Variants in ALCAM observed in about 807,000 individuals in gnomAD.
ALCAM encodes activated leukocyte cell adhesion molecule.
In ALCAM, 30 loss-of-function variants were observed where a neutral mutation model predicts 70.9. The observed-to-expected ratio is 0.42, with a 90% CI of 0.32 to 0.57. The LOEUF (loss-of-function observed/expected upper bound fraction) is 0.57, where lower values mean the gene tolerates loss of function less well. Ranked by LOEUF, ALCAM falls within the 20% of genes least tolerant of loss-of-function variation. The pLI is 0.11. For synonymous variants in ALCAM, 249 were observed against 242.5 expected, an observed-to-expected ratio of 1.03 and a Z score of -0.25; for missense variants, 591 against 695.1, an observed-to-expected ratio of 0.85 and a Z score of 1.68.
intron 1 of ALCAM, among the ~76,000 whole-genome samples, chr3:105,422,097 G>A (rs532189090): frequency 4.0e-5 from 6 of 151,502 alleles, no homozygotes; most frequent in Non-Finnish European, 5.9e-5. Context: ...CAGTATTTGA[G>A]TTTCCATTCC....
chr3:105,487,381 T>C (rs746247852), intron 1 of ALCAM, among the ~76,000 whole-genome samples: 4 of 152,156 alleles, frequency 2.6e-5, no homozygotes, highest in African/African-American at 9.7e-5. Flanking sequence ...ATCTAATAGA[T>C]GGAGTGTACA....
At chr3:105,475,988 A>C (rs1029690637) in intron 1 of ALCAM, among the ~76,000 whole-genome samples, 3 of 151,862 alleles carry the variant, frequency 2.0e-5, no homozygotes, top group Admixed American at 1.3e-4. Flanking sequence ...TTTTCTATGC[A>C]TACCTTTCTC....
At chr3:105,463,999 A>T (rs1481724110) in intron 1 of ALCAM, among the ~76,000 whole-genome samples, 1 of 151,450 alleles carries the variant, frequency 6.6e-6, no homozygotes, top group Non-Finnish European at 1.5e-5. Flanking sequence ...CTAATGAAAT[A>T]TGCAACTTGT....
At chr3:105,467,482 G>A (rs1195246866) in intron 1 of ALCAM, among the ~76,000 whole-genome samples, 1 of 151,202 alleles carries the variant, frequency 6.6e-6, no homozygotes. Context: ...GGCACACAGG[G>A]AAATGTTGAC....
chr3:105,444,489 A>G (rs776266917), intron 1 of ALCAM, among the ~76,000 whole-genome samples: 5 of 152,122 alleles, frequency 3.3e-5, no homozygotes, highest in African/African-American at 4.8e-5. Flanking sequence ...CTCCCTCTAC[A>G]CATGGGGATT....
intron 1 of ALCAM, among the ~76,000 whole-genome samples, chr3:105,382,498 AC>A (rs1559771779): frequency 6.6e-6 from 1 of 151,930 alleles, no homozygotes; most frequent in Non-Finnish European, 1.5e-5. Context: ...AGTTCTAGAT[AC>A]CTGAGGACTC....
At chr3:105,417,182 T>A (rs1303521201) in intron 1 of ALCAM, among the ~76,000 whole-genome samples, 2 of 151,828 alleles carry the variant, frequency 1.3e-5, no homozygotes, top group African/African-American at 2.4e-5. Flanking sequence ...CCAGGAAGGC[T>A]CTTATGTCGC....
intron 1 of ALCAM, among the ~76,000 whole-genome samples, chr3:105,373,609 C>A (rs1459839302): frequency 6.6e-6 from 1 of 152,146 alleles, no homozygotes; most frequent in Non-Finnish European, 1.5e-5. Context: ...TGAGTCTTAA[C>A]TTTTCCCTTT....
At chr3:105,541,127 T>C (rs1453731053) in intron 7 of ALCAM, among the ~76,000 whole-genome samples, 3 of 151,844 alleles carry the variant, frequency 2.0e-5, no homozygotes, top group South Asian at 2.1e-4. Context: ...TTTTTTCTTT[T>C]GTCATTTTCT....
At chr3:105,529,941 G>A (rs917428782) in intron 3 of ALCAM, among the ~76,000 whole-genome samples, 4 of 152,016 alleles carry the variant, frequency 2.6e-5, no homozygotes, top group South Asian at 2.1e-4. Flanking sequence ...TTGGCAAAGC[G>A]ACCCACCAAA....
At chr3:105,479,688 A>G (rs563201476) in intron 1 of ALCAM, among the ~76,000 whole-genome samples, 2 of 152,336 alleles carry the variant, frequency 1.3e-5, no homozygotes, top group African/African-American at 4.8e-5. Flanking sequence ...TATACTATTT[A>G]TTCTGCCTGC....
At chr3:105,425,751 A>G (rs1051312082) in intron 1 of ALCAM, among the ~76,000 whole-genome samples, 41 of 124,804 alleles carry the variant, frequency 3.3e-4, no homozygotes, top group Non-Finnish European at 5.5e-4. Flanking sequence ...TTTCACTGGC[A>G]TATTTTTAAT....
chr3:105,443,019 T>A lies in ALCAM; in HGVS notation c.73+75538T>A, dbSNP rs995447380. Among the ~76,000 whole-genome samples, 19 of 152,078 alleles carry A rather than the reference T, an allele frequency of 1.2e-4. 1 individual carries two copies. Among genetic ancestry groups the A allele is most frequent in the Admixed American group, 1.0e-3 (16 of 15,266 alleles). On this transcript the variant is annotated intron_variant, in intron 1 of 15. Transcript: ENST00000306107. ...AATTTTTTGTGTATAGAGATGGGGATCTTGCTATATTGTCCAGGCTAGTCT... is the reference window on the plus strand; with the variant it reads ...AATTTTTTGTGTATAGAGATGGGGAACTTGCTATATTGTCCAGGCTAGTCT...
intron 1 of ALCAM, among the ~76,000 whole-genome samples, chr3:105,389,503 T>A (rs1935755836): frequency 6.6e-6 from 1 of 150,902 alleles, no homozygotes; most frequent in Admixed American, 6.6e-5. Flanking sequence ...ATGCTTTATC[T>A]GATTTGAATA....
At chr3:105,508,545 C>T (rs974404232) in intron 1 of ALCAM, among the ~76,000 whole-genome samples, 2 of 152,040 alleles carry the variant, frequency 1.3e-5, no homozygotes, top group African/African-American at 2.4e-5. Context: ...CTATAAAACA[C>T]CATAAAAACA....
At chr3:105,498,923 G>A (rs1162391764) in intron 1 of ALCAM, among the ~76,000 whole-genome samples, 2 of 152,098 alleles carry the variant, frequency 1.3e-5, no homozygotes, top group African/African-American at 4.8e-5. Context: ...CTAAAACAGT[G>A]TGAGAAAATT....
At chr3:105,536,923 T>G (rs1319440812) in intron 6 of ALCAM, among the ~76,000 whole-genome samples, 3 of 152,078 alleles carry the variant, frequency 2.0e-5, no homozygotes, top group African/African-American at 7.2e-5. Flanking sequence ...GAGTTTCTGA[T>G]TTAGTGGGTA....
intron 6 of ALCAM, among the ~76,000 whole-genome samples, chr3:105,535,430 C>T (rs905051238): frequency 6.6e-5 from 10 of 152,036 alleles, no homozygotes; most frequent in Admixed American, 6.6e-4. Flanking sequence ...CTGTGCTTTC[C>T]TTGTAAGACA....
intron 3 of ALCAM, among the ~76,000 whole-genome samples, chr3:105,530,774 G>A (rs941221280): frequency 4.6e-4 from 70 of 151,928 alleles, no homozygotes; most frequent in African/African-American, 1.7e-3. Context: ...TTTATGAGGG[G>A]AAATTAACTC....
Sources: gnomAD v4.1 joint callset for allele counts (sites outside exome capture counted in the v4.1 genomes callset) on GRCh38, gnomAD v4.1.1 for gene constraint, MANE v1.5 for transcripts, NCBI Gene and HGNC (gene_info 2026-07-23, HGNC 2026-07-21) for gene names.